PCDH11X: variants seen among roughly 807,000 people sequenced by gnomAD.
The protein encoded by PCDH11X is protocadherin 11 X-linked.
PCDH11X carries 18 observed loss-of-function variants against 53.3 expected under a neutral mutation model. The observed-to-expected ratio is 0.34, with a 90% CI of 0.23 to 0.50. The LOEUF (loss-of-function observed/expected upper bound fraction) is 0.50, where lower values mean the gene tolerates loss of function less well. Among genes scored for constraint, PCDH11X ranks in the 20% least tolerant of loss-of-function variants. The probability of loss-of-function intolerance (pLI) is 0.98; values close to 1 mark genes in which losing one functional copy is unlikely to be tolerated. For synonymous variants in PCDH11X, 279 were observed against 393.3 expected, an observed-to-expected ratio of 0.71 and a Z score of 3.44; for missense variants, 570 against 1,032.4, an observed-to-expected ratio of 0.55 and a Z score of 6.14.
At chrX:92,592,365 C>A (rs1172555358) in intron 10 of PCDH11X, among the ~76,000 whole-genome samples, 1 of 108,147 alleles carries the variant, frequency 9.2e-6, no homozygotes, top group Non-Finnish European at 1.9e-5. Flanking sequence ...TTTGGAGACG[C>A]CTCGTGTGCC....
chrX:92,007,153 G>A (rs1353642623), intron 6 of PCDH11X, among the ~76,000 whole-genome samples: 7 of 111,583 alleles, frequency 6.3e-5, no homozygotes, highest in Non-Finnish European at 1.1e-4. Flanking sequence ...TCTACAATCA[G>A]CATGTGGCAA....
chrX:92,171,608 T>C (rs1417209165), intron 6 of PCDH11X, among the ~76,000 whole-genome samples: 6 of 110,938 alleles, frequency 5.4e-5, no homozygotes, highest in African/African-American at 9.8e-5. Flanking sequence ...TACAGGCATG[T>C]GCCGCCATGC....
intron 4 of PCDH11X, among the ~76,000 whole-genome samples, chrX:91,826,126 G>A: frequency 9.0e-6 from 1 of 111,227 alleles, no homozygotes; most frequent in African/African-American, 3.3e-5. Flanking sequence ...ATTTATATTT[G>A]GAGTTAAAAT....
At chrX:92,146,584 C>G (rs1282244825) in intron 6 of PCDH11X, among the ~76,000 whole-genome samples, 7 of 111,886 alleles carry the variant, frequency 6.3e-5, no homozygotes, top group African/African-American at 2.3e-4. Flanking sequence ...CCTGATATTT[C>G]TTCGTTTGAT....
chrX:91,840,594 A>T (rs1045762832), intron 5 of PCDH11X, among the ~76,000 whole-genome samples: 7 of 111,716 alleles, frequency 6.3e-5, no homozygotes, highest in Non-Finnish European at 1.1e-4. Context: ...TTGTTTTGCG[A>T]TCTGGGGTTA....
intron 9 of PCDH11X, among the ~76,000 whole-genome samples, chrX:92,465,783 C>G (rs1052616556): frequency 1.8e-5 from 2 of 109,154 alleles, no homozygotes; most frequent in African/African-American, 6.9e-5. Context: ...TTATGAAACT[C>G]AAAGAGGAGA....
intron 8 of PCDH11X, among the ~76,000 whole-genome samples, chrX:92,377,331 C>T (rs982607676): frequency 5.6e-4 from 62 of 110,462 alleles, no homozygotes; most frequent in Non-Finnish European, 1.0e-3. Context: ...CCCAACACTA[C>T]AGTTTATAGA....
chrX:92,066,070 C>T (rs5984863), intron 6 of PCDH11X, among the ~76,000 whole-genome samples: 29,885 of 102,800 alleles, frequency 0.29, 5,280 homozygotes, highest in African/African-American at 0.62. Context: ...CTTCTGACTA[C>T]GAATATCCAG....
chrX:92,176,966 C>CT lies in PCDH11X; in HGVS notation c.3034-24399dup, dbSNP rs1190451993. On this transcript the variant is annotated intron_variant, in intron 6 of 10. Transcript: ENST00000682573. Reference sequence around the variant, plus strand: ...AAAGTACAACGTAGTTTTTTTTTTTCTTTTTTTTTTGGTTGTTGTTTTTTT... The same window carrying CT: ...AAAGTACAACGTAGTTTTTTTTTTTCTTTTTTTTTTTGGTTGTTGTTTTTTT... Among the ~76,000 whole-genome samples, 797 of 97,403 alleles carry CT rather than the reference C, an allele frequency of 8.2e-3. 6 individuals are homozygous for CT. The highest frequency in any genetic ancestry group is 0.027 in the African/African-American group (722 of 26,883). The allele number at this position is 97,403 out of a possible 115,157, so 84.6% of individuals were successfully genotyped here.
At chrX:92,045,600 CAA>C (rs1452765440) in intron 6 of PCDH11X, among the ~76,000 whole-genome samples, 1 of 105,129 alleles carries the variant, frequency 9.5e-6, no homozygotes, top group Non-Finnish European at 1.9e-5. Flanking sequence ...GATGCCAGGT[CAA>C]AGAGTTCAGT....
chrX:92,331,309 C>CTTA (rs1161896815), intron 8 of PCDH11X, among the ~76,000 whole-genome samples: 32 of 91,884 alleles, frequency 3.5e-4, no homozygotes, highest in South Asian at 6.3e-4. Context: ...TCTTCTTCTT[C>CTTA]TTCTTCTTCC....
At chrX:92,593,450 A>T (rs1039356811) in intron 10 of PCDH11X, among the ~76,000 whole-genome samples, 2 of 112,100 alleles carry the variant, frequency 1.8e-5, no homozygotes, top group Admixed American at 9.5e-5. Flanking sequence ...CTACTGGAAA[A>T]ACAATTTTAC....
At chrX:92,293,417 G>A (rs1468503351) in intron 8 of PCDH11X, among the ~76,000 whole-genome samples, 4 of 109,924 alleles carry the variant, frequency 3.6e-5, no homozygotes, top group African/African-American at 1.3e-4. Flanking sequence ...GAGGTCAGGA[G>A]ATCGAGACCA....
chrX:92,187,842 G>T (rs1205995994), intron 6 of PCDH11X, among the ~76,000 whole-genome samples: 1 of 111,877 alleles, frequency 8.9e-6, no homozygotes, highest in Non-Finnish European at 1.9e-5. Context: ...AAACATGATG[G>T]TATTTGTTCT....
At chrX:92,002,504 A>G (rs762519751) in intron 6 of PCDH11X, among the ~76,000 whole-genome samples, 6 of 107,133 alleles carry the variant, frequency 5.6e-5, no homozygotes, top group African/African-American at 2.0e-4. Context: ...GGACATTTTA[A>G]CAACATTCAT....
At chrX:92,546,875 C>A (rs1382675019) in intron 10 of PCDH11X, among the ~76,000 whole-genome samples, 1 of 111,974 alleles carries the variant, frequency 8.9e-6, no homozygotes, top group East Asian at 2.8e-4. Context: ...GGCAAACAGA[C>A]CACATATCAT....
chrX:92,484,217 G>A (rs192077654), intron 10 of PCDH11X, among the ~76,000 whole-genome samples: 2 of 49,835 alleles, frequency 4.0e-5, no homozygotes, highest in African/African-American at 2.0e-4. Context: ...GTATATATAT[G>A]TATATATGTA....
chrX:92,273,280 C>T (rs1392857811), intron 8 of PCDH11X, among the ~76,000 whole-genome samples: 12 of 105,321 alleles, frequency 1.1e-4, no homozygotes, highest in South Asian at 4.3e-4. Context: ...TGGGCAGGGG[C>T]GGGGGTCACA....
At chrX:92,019,744 A>G (rs1388989404) in intron 6 of PCDH11X, among the ~76,000 whole-genome samples, 1 of 112,362 alleles carries the variant, frequency 8.9e-6, no homozygotes, top group Non-Finnish European at 1.9e-5. Context: ...AAACGCCCAC[A>G]GCAACAATTT....
Sources: gnomAD v4.1 joint callset for allele counts (sites outside exome capture counted in the v4.1 genomes callset) on GRCh38, gnomAD v4.1.1 for gene constraint, MANE v1.5 for transcripts, NCBI Gene and HGNC (gene_info 2026-07-23, HGNC 2026-07-21) for gene names.